The following ADAMTS12 variants were observed in gnomAD, a reference collection of about 807,000 sequenced individuals.
ADAMTS12 encodes the protein ADAM metallopeptidase with thrombospondin type 1 motif 12, also known as A disintegrin and metalloproteinase with thrombospondin motifs 12.
In ADAMTS12, 118 loss-of-function variants were observed where a neutral mutation model predicts 167.8. That is an observed-to-expected ratio of 0.70 (90% CI 0.61 to 0.82). ADAMTS12 has a LOEUF of 0.82. ADAMTS12 is among the 40% of genes least tolerant of loss of function. The pLI is 0.00. For synonymous variants in ADAMTS12, 704 were observed against 716.9 expected (o/e 0.98, Z 0.29); for missense variants, 1,916 against 1,998.8 (o/e 0.96, Z 0.79).
chr5:33,840,550 T>C (rs1243690017), intron 2 of ADAMTS12, among the ~76,000 whole-genome samples: 3 of 152,082 alleles, frequency 2.0e-5, no homozygotes, highest in Non-Finnish European at 2.9e-5. Context: ...TACCACCTCA[T>C]AGATTAGTTG....
chr5:33,685,052 G>A (rs1742274569), intron 3 of ADAMTS12, among the ~76,000 whole-genome samples: 1 of 152,206 alleles, frequency 6.6e-6, no homozygotes, highest in Admixed American at 6.5e-5. Flanking sequence ...AGTAAAGAAA[G>A]AAGCCTGGGC....
intron 2 of ADAMTS12, among the ~76,000 whole-genome samples, chr5:33,755,265 C>T (rs1745128624): frequency 6.6e-6 from 1 of 152,152 alleles, no homozygotes; most frequent in African/African-American, 2.4e-5. Flanking sequence ...GGCGAATTTC[C>T]CCTGGCTTAT....
chr5:33,652,169 T>C (rs1461465029), intron 7 of ADAMTS12, among the ~76,000 whole-genome samples: 3 of 152,204 alleles, frequency 2.0e-5, no homozygotes, highest in Non-Finnish European at 2.9e-5. Flanking sequence ...GGTCGAATGA[T>C]AGCTCTAGTT....
chr5:33,545,067 C>G (rs1251036543), intron 22 of ADAMTS12, among the ~76,000 whole-genome samples: 1 of 152,190 alleles, frequency 6.6e-6, no homozygotes, highest in African/African-American at 2.4e-5. Context: ...TCAGAGTGAA[C>G]AGGCAACCTA....
intron 3 of ADAMTS12, among the ~76,000 whole-genome samples, chr5:33,713,490 C>T (rs1743482619): frequency 6.6e-6 from 1 of 152,098 alleles, no homozygotes; most frequent in Non-Finnish European, 1.5e-5. Flanking sequence ...TTTTAATCCT[C>T]AAAACCACAA....
chr5:33,658,257 G>A lies in ADAMTS12; in HGVS notation c.1117C>T (p.His373Tyr). The A allele has an allele frequency of 3.1e-6, 5 of 1,613,748 alleles. No homozygotes were observed. Among genetic ancestry groups the A allele is most frequent in the South Asian group, 2.2e-5 (2 of 91,070 alleles). The change falls in exon 7 of 24, where the codon CAC becomes TAC. Residue 373 changes from histidine to tyrosine, a missense_variant. His to Tyr is a moderately conservative substitution (Grantham distance 83). Transcript: ENST00000504830. ...LSHLSGMCQP[H>Y]RSCNINEDSG... ...TCTTCATTGATGTTACAACTGCGGTGAGGCTGACACATTCCTGAAAGGTGA... is the reference window on the plus strand; with the variant it reads ...TCTTCATTGATGTTACAACTGCGGTAAGGCTGACACATTCCTGAAAGGTGA...
chr5:33,624,791 G>A (rs377689640), intron 13 of ADAMTS12, among the ~76,000 whole-genome samples: 5 of 152,178 alleles, frequency 3.3e-5, no homozygotes, highest in African/African-American at 9.7e-5. Context: ...GTCATGAGCC[G>A]TATCTGACCT....
At chr5:33,672,374 C>T (rs1179410300) in intron 5 of ADAMTS12, among the ~76,000 whole-genome samples, 1 of 151,504 alleles carries the variant, frequency 6.6e-6, no homozygotes, top group African/African-American at 2.4e-5. Context: ...ACACATACCC[C>T]CACAGTATTC....
intron 3 of ADAMTS12, among the ~76,000 whole-genome samples, chr5:33,711,469 C>T (rs1366355748): frequency 6.6e-6 from 1 of 152,090 alleles, no homozygotes; most frequent in African/African-American, 2.4e-5. Context: ...TGTAGGGCTG[C>T]AGCTGGCCCT....
intron 23 of ADAMTS12, among the ~76,000 whole-genome samples, chr5:33,529,471 TAC>T (rs1472393658): frequency 6.6e-6 from 1 of 152,152 alleles, no homozygotes. Flanking sequence ...CTTTCTCCTT[TAC>T]AGAGAAAATA....
At chr5:33,667,681 T>C (rs978601717) in intron 5 of ADAMTS12, among the ~76,000 whole-genome samples, 9 of 152,174 alleles carry the variant, frequency 5.9e-5, no homozygotes, top group East Asian at 5.8e-4. Context: ...CTTCTAAAGA[T>C]AGGTAGATAA....
At chr5:33,833,577 G>A (rs1260793278) in intron 2 of ADAMTS12, among the ~76,000 whole-genome samples, 1 of 150,580 alleles carries the variant, frequency 6.6e-6, no homozygotes, top group Non-Finnish European at 1.5e-5. Context: ...CACATAAAAG[G>A]TACATTTGAC....
chr5:33,806,409 A>T (rs960005495), intron 2 of ADAMTS12, among the ~76,000 whole-genome samples: 4 of 152,316 alleles, frequency 2.6e-5, no homozygotes, highest in Middle Eastern at 3.4e-3. Context: ...GCTTTTCAAT[A>T]CCAGTCTGTG....
intron 19 of ADAMTS12, among the ~76,000 whole-genome samples, chr5:33,572,020 C>A (rs1240171615): frequency 6.6e-6 from 1 of 152,158 alleles, no homozygotes; most frequent in African/African-American, 2.4e-5. Flanking sequence ...AATTCCTCGA[C>A]ACATACACTC....
intron 20 of ADAMTS12, among the ~76,000 whole-genome samples, chr5:33,552,901 T>C (rs749968271): frequency 6.6e-6 from 1 of 152,128 alleles, no homozygotes; most frequent in Non-Finnish European, 1.5e-5. Flanking sequence ...AAAGAAACTA[T>C]CAACAGAGTA....
rs1738685515 is a variant in ADAMTS12 at position 33,610,657 on chromosome 5, A to G, written c.2527+3581T>C. On this transcript the variant is annotated intron_variant, in intron 16 of 23. Coordinates refer to ENST00000504830, the MANE Select transcript of ADAMTS12 (RefSeq NM_030955.4). ...GCCCAAATACGGAGGTAATGAGGGA[A>G]TAATCATAAGGCATTCATTACAGAA... Among the ~76,000 whole-genome samples, 3 of 152,370 alleles carry G rather than the reference A, an allele frequency of 2.0e-5. 1 individual carries two copies. The highest frequency in any genetic ancestry group is 2.0e-4 in the Admixed American group (3 of 15,308).
At chr5:33,677,341 T>G (rs773345162) in intron 5 of ADAMTS12, among the ~76,000 whole-genome samples, 2 of 152,184 alleles carry the variant, frequency 1.3e-5, no homozygotes, top group Non-Finnish European at 2.9e-5. Flanking sequence ...CTCATGACAA[T>G]GCTATGAAAT....
At chr5:33,658,841 A>C (rs1326812096) in intron 6 of ADAMTS12, among the ~76,000 whole-genome samples, 1 of 152,212 alleles carries the variant, frequency 6.6e-6, no homozygotes, top group Non-Finnish European at 1.5e-5. Context: ...ATCCAGCCCC[A>C]TTCCACTAAC....
At chr5:33,764,280 G>A (rs1745456661) in intron 2 of ADAMTS12, among the ~76,000 whole-genome samples, 1 of 152,118 alleles carries the variant, frequency 6.6e-6, no homozygotes, top group Non-Finnish European at 1.5e-5. Flanking sequence ...TATAATTTCT[G>A]TTCATCATCT....
Sources: allele counts gnomAD v4.1 joint callset (sites outside exome capture counted in the v4.1 genomes callset), GRCh38; gene constraint gnomAD v4.1.1; transcripts MANE v1.5; gene names NCBI Gene and HGNC (gene_info 2026-07-23, HGNC 2026-07-21).